The following TBCD variants were observed in gnomAD, a reference collection of about 807,000 sequenced individuals.
TBCD encodes the protein tubulin-specific chaperone D.
Under a neutral mutation model 169.3 loss-of-function variants are expected in TBCD, and 105 were observed. That is an observed-to-expected ratio of 0.62 (90% CI 0.53 to 0.73). The LOEUF (loss-of-function observed/expected upper bound fraction) is 0.73. Among genes scored for constraint, TBCD ranks in the 30% least tolerant of loss-of-function variants. TBCD has a pLI of 0.00. For missense variants in TBCD, 1,444 were observed against 1,600.1 expected (o/e 0.90, Z 1.66); for synonymous variants, 700 against 643.9 (o/e 1.09, Z -1.32).
intron 17 of TBCD, among the ~76,000 whole-genome samples, chr17:82,898,816 T>C (rs745415093): frequency 6.6e-6 from 1 of 152,252 alleles, no homozygotes; most frequent in Non-Finnish European, 1.5e-5. Context: ...TTTCACAAGA[T>C]GTAACTTTTA....
chr17:82,892,696 G>A (rs1290648486), intron 16 of TBCD, among the ~76,000 whole-genome samples: 2 of 152,204 alleles, frequency 1.3e-5, no homozygotes, highest in African/African-American at 4.8e-5. Context: ...TCCCGGCCTC[G>A]GAGGTGGGCA....
At position 82,920,419 on chromosome 17, in the gene TBCD, C is replaced by T. The variant is rs1219159302; in HGVS notation, c.2039-137C>T. 1 of 721,152 alleles carries T rather than the reference C, an allele frequency of 1.4e-6. No homozygotes were observed. Among genetic ancestry groups the T allele is most frequent in the African/African-American group, 1.8e-5 (1 of 55,546 alleles). 44.7% of individuals were successfully genotyped at this position (721,152 alleles called of 1,614,324 possible). A position where few individuals can be genotyped will look rare whatever the true frequency, so the allele number is the denominator to read the frequency against. On this transcript the variant is annotated intron_variant, in intron 23 of 38. Coordinates refer to ENST00000355528, the MANE Select transcript of TBCD (RefSeq NM_005993.5). The surrounding 1 kb of genome is among the most constrained non-coding windows in gnomAD (Gnocchi z 4.1). ...AAATGGTTCTGGGATGTTTCCAGCC[C>T]TGGCAGCAGGGTAGGTTGGGCGGGT...
chr17:82,838,697 A>G (rs2145406493), intron 13 of TBCD: 2 of 985,448 alleles, frequency 2.0e-6, no homozygotes, highest in African/African-American at 3.5e-5. Flanking sequence ...CTTTAAAATG[A>G]AAGATAAACC....
At chr17:82,849,933 G>C (rs1293646009) in intron 13 of TBCD, among the ~76,000 whole-genome samples, 1 of 151,830 alleles carries the variant, frequency 6.6e-6, no homozygotes, top group Admixed American at 6.6e-5. Context: ...CTGTTTTGCT[G>C]TTGGCTGTGC....
In TBCD at chr17:82,929,101, C is replaced by CT. The variant is rs761059714; in HGVS notation, c.2694-11dup. The CT allele has an allele frequency of 6.2e-7, 1 of 1,604,032 alleles. No homozygotes were observed. Among genetic ancestry groups the CT allele is most frequent in the Non-Finnish European group, 8.5e-7 (1 of 1,176,546 alleles). On this transcript the variant is annotated splice_polypyrimidine_tract_variant and intron_variant, in intron 30 of 38. Coordinates refer to ENST00000355528, the MANE Select transcript of TBCD (RefSeq NM_005993.5). ...GCCCGCCCTTGGTTTACCTCCTGCT[C>CT]TCGGTTTGCAGCTGTGAGCGCATCA...
chr17:82,844,477 A>C (rs9897808), intron 13 of TBCD, among the ~76,000 whole-genome samples: 69,197 of 151,410 alleles, frequency 0.46, 15,910 homozygotes, highest in East Asian at 0.54. Flanking sequence ...GCCCCTCCCC[A>C]CAGAGTTCTC....
chr17:82,862,173 C>T (rs1599015520), intron 13 of TBCD, among the ~76,000 whole-genome samples: 1 of 152,218 alleles, frequency 6.6e-6, no homozygotes, highest in African/African-American at 2.4e-5. Context: ...CTGCCCGCCT[C>T]AGCCTCCCAA....
intron 13 of TBCD, among the ~76,000 whole-genome samples, chr17:82,817,829 G>A (rs963820292): frequency 6.6e-6 from 1 of 152,284 alleles, no homozygotes; most frequent in Middle Eastern, 3.4e-3. Context: ...TGTGTTTCTG[G>A]TGTCATAGCT....
intron 33 of TBCD, among the ~76,000 whole-genome samples, chr17:82,931,780 C>T (rs1269471584): frequency 1.3e-5 from 2 of 152,206 alleles, no homozygotes; most frequent in Non-Finnish European, 2.9e-5. Flanking sequence ...AGGGGACCTC[C>T]CCAGCCTCCT....
chr17:82,842,157 C>A (rs1165198846), intron 13 of TBCD, among the ~76,000 whole-genome samples: 1 of 152,200 alleles, frequency 6.6e-6, no homozygotes, highest in Admixed American at 6.5e-5. Flanking sequence ...CCCGGAAGCC[C>A]CACCTTGGCC....
chr17:82,881,852 A>G (rs887067707), intron 14 of TBCD, among the ~76,000 whole-genome samples: 1 of 151,712 alleles, frequency 6.6e-6, no homozygotes, highest in Non-Finnish European at 1.5e-5. Flanking sequence ...TTCTGTTTTT[A>G]TTGTGGTTCT....
chr17:82,923,318 G>A lies in TBCD; in HGVS notation c.2179-334G>A, dbSNP rs2061529806. 6.6e-6 allele frequency among the ~76,000 whole-genome samples: 1 copy of A among 152,262 alleles called. No individual in the cohort carries two copies. The highest frequency in any genetic ancestry group is 6.5e-5 in the Admixed American group (1 of 15,294). ...GCGTGTATCTGACAGATGATGGTGA[G>A]CAGGCGTGCTGGAAAGGAGTAGCAT... On this transcript the variant is annotated intron_variant, in intron 25 of 38. Coordinates refer to ENST00000355528, the MANE Select transcript of TBCD (RefSeq NM_005993.5). The surrounding 1 kb of genome is among the most constrained non-coding windows in gnomAD (Gnocchi z 4.6).
Position 82,831,250 on chromosome 17 carries a change from G to T in TBCD, c.1318+16316G>T. On this transcript the variant is annotated intron_variant, in intron 13 of 38. Coordinates refer to ENST00000355528, the MANE Select transcript of TBCD (RefSeq NM_005993.5). The surrounding 1 kb of genome is among the most constrained non-coding windows in gnomAD (Gnocchi z 4.6). Reference sequence around the variant, plus strand: ...GCCCGTGGCTGCACTCCCTGCGCGGGGGCTCATTTTGGACCCTTCCGTGTC... The same window carrying T: ...GCCCGTGGCTGCACTCCCTGCGCGGTGGCTCATTTTGGACCCTTCCGTGTC... 6.2e-7 allele frequency: 1 copy of T among 1,613,884 alleles called. No individual in the cohort carries two copies. The highest frequency in any genetic ancestry group is 8.5e-7 in the Non-Finnish European group (1 of 1,180,032).
intron 2 of TBCD, 99 bp from the exon 3 acceptor site, chr17:82,763,866 A>C: frequency 1.0e-6 from 1 of 980,254 alleles, no homozygotes; most frequent in Non-Finnish European, 1.6e-6. Context: ...TGGTCTCCCA[A>C]AGTGCTGGGA....
rs770446096 is a variant in TBCD, at chr17:82,766,284, A to G, written c.351A>G (p.Thr117=). ...YIITKVRGYK[T]FLRLFPHEVA... Reference sequence around the variant, plus strand: ...TTTGATAGGTTCGAGGCTATAAAACATTTCTTCGTTTATTTCCTCATGAAG... The same window carrying G: ...TTTGATAGGTTCGAGGCTATAAAACGTTTCTTCGTTTATTTCCTCATGAAG... Residue 117 remains threonine (T), a synonymous_variant, in exon 4 of 39, where the codon ACA becomes ACG. Coordinates refer to ENST00000355528, the MANE Select transcript of TBCD (RefSeq NM_005993.5). 10 of 1,612,040 alleles carry G rather than the reference A, an allele frequency of 6.2e-6. No individual in the cohort carries two copies. In the South Asian group the frequency reaches 6.6e-5, roughly 11 times the overall value.
chr17:82,796,515 T>G (rs902297242), intron 7 of TBCD, among the ~76,000 whole-genome samples: 3 of 152,224 alleles, frequency 2.0e-5, no homozygotes, highest in African/African-American at 7.2e-5. Flanking sequence ...AATGTGTTAT[T>G]CTGAGTGGCT....
intron 7 of TBCD, among the ~76,000 whole-genome samples, chr17:82,786,690 C>T (rs951974263): frequency 1.3e-5 from 2 of 152,118 alleles, no homozygotes; most frequent in South Asian, 2.1e-4. Flanking sequence ...TGGGCCACTG[C>T]GTTCAGGCTG....
chr17:82,812,533 A>G (rs2051526613), intron 12 of TBCD, among the ~76,000 whole-genome samples: 2 of 152,114 alleles, frequency 1.3e-5, no homozygotes, highest in South Asian at 4.1e-4. Context: ...GTGTGAGCAG[A>G]TGGATACAGA....
chr17:82,760,209 C>T (rs1304644974), intron 2 of TBCD, among the ~76,000 whole-genome samples: 1 of 152,156 alleles, frequency 6.6e-6, no homozygotes, highest in Non-Finnish European at 1.5e-5. Context: ...TATATTTTGC[C>T]TGGCATCCTT....
Sources: gnomAD v4.1 joint callset for allele counts (sites outside exome capture counted in the v4.1 genomes callset) on GRCh38, gnomAD v4.1.1 for gene constraint, Gnocchi (gnomAD v3.1) non-coding constraint, MANE v1.5 for transcripts, NCBI Gene and HGNC (gene_info 2026-07-23, HGNC 2026-07-21) for gene names.